ELMO1: variants seen among roughly 807,000 people sequenced by gnomAD.
ELMO1 encodes the protein engulfment and cell motility 1, also known as engulfment and cell motility protein 1.
Under a neutral mutation model 98.9 loss-of-function variants are expected in ELMO1, and 26 were observed. The ratio of observed to expected loss-of-function variants is 0.26; its 90% CI spans 0.19 to 0.36. ELMO1 has a LOEUF of 0.36. ELMO1 is among the 10% of genes least tolerant of loss of function. The pLI is 1.00. For synonymous variants in ELMO1, 346 were observed against 346.0 expected (o/e 1.00, Z 0.00); for missense variants, 627 against 935.2 (o/e 0.67, Z 4.30).
chr7:37,190,499 T>A (rs960079335), intron 13 of ELMO1, among the ~76,000 whole-genome samples: 2 of 152,124 alleles, frequency 1.3e-5, no homozygotes, highest in Non-Finnish European at 2.9e-5. Flanking sequence ...ATGTTATCTT[T>A]TTTATTTATT....
intron 16 of ELMO1, among the ~76,000 whole-genome samples, chr7:37,005,541 A>G (rs1793021120): frequency 6.6e-6 from 1 of 151,906 alleles, no homozygotes; most frequent in African/African-American, 2.4e-5. Flanking sequence ...AAATTACAAA[A>G]ATTAACCAGG....
chr7:37,331,174 T>TG (rs1160483742), intron 2 of ELMO1, among the ~76,000 whole-genome samples: 17 of 107,062 alleles, frequency 1.6e-4, no homozygotes, highest in Non-Finnish European at 3.3e-4. Flanking sequence ...ACTGCATTTT[T>TG]CTTTTTTTTT....
intron 13 of ELMO1, among the ~76,000 whole-genome samples, chr7:37,153,632 T>G (rs1285982886): frequency 1.3e-5 from 2 of 151,426 alleles, no homozygotes; most frequent in Non-Finnish European, 3.0e-5. Flanking sequence ...ATGTTCACAG[T>G]GTAAACAAAG....
chr7:37,069,218 G>A (rs1446780808), intron 15 of ELMO1, among the ~76,000 whole-genome samples: 6 of 152,020 alleles, frequency 3.9e-5, no homozygotes, highest in Admixed American at 2.6e-4. Flanking sequence ...CACTTCCCCA[G>A]TAAGTCTAAC....
intron 16 of ELMO1, among the ~76,000 whole-genome samples, chr7:36,928,899 C>T (rs1318579847): frequency 1.3e-5 from 2 of 152,152 alleles, no homozygotes; most frequent in East Asian, 1.9e-4. Flanking sequence ...GCACGTGCAC[C>T]CACAACAAGG....
chr7:36,894,112 C>T (rs1306613238), intron 17 of ELMO1, among the ~76,000 whole-genome samples: 1 of 152,074 alleles, frequency 6.6e-6, no homozygotes, highest in Non-Finnish European at 1.5e-5. Context: ...ATACGGGTAA[C>T]AAAATTGACC....
At chr7:37,024,996 T>G (rs530605202) in intron 15 of ELMO1, among the ~76,000 whole-genome samples, 1 of 152,320 alleles carries the variant, frequency 6.6e-6, no homozygotes, top group East Asian at 1.9e-4. Context: ...TTCTGGTAAG[T>G]GCATGCTAAG....
At chr7:37,445,526 C>T (rs1805578736) in intron 1 of ELMO1, among the ~76,000 whole-genome samples, 2 of 152,160 alleles carry the variant, frequency 1.3e-5, no homozygotes, top group African/African-American at 2.4e-5. Context: ...TTGCCTCACC[C>T]CCAGCCACAT....
In ELMO1 at chr7:36,857,499, C is replaced by A. The variant is rs76402754; in HGVS notation, c.1984-1748G>T. ...GGGGATTACTGTTCTTTTCACACAG[C>A]CTTCCCAGGCCTGGCTAGCTTCCTA... On this transcript the variant is annotated intron_variant, in intron 21 of 21. Transcript: ENST00000310758. Among the ~76,000 whole-genome samples the A allele has an allele frequency of 7.9e-5, 12 of 152,290 alleles. No homozygotes were observed. The East Asian group carries it at 1.7e-3, about 22-fold the overall frequency.
intron 2 of ELMO1, among the ~76,000 whole-genome samples, chr7:37,325,096 T>C (rs1301157360): frequency 6.6e-6 from 1 of 152,172 alleles, no homozygotes; most frequent in Non-Finnish European, 1.5e-5. Context: ...CCTTGGACAC[T>C]TCACACACTT....
At chr7:37,009,192 G>A (rs563746503) in intron 16 of ELMO1, among the ~76,000 whole-genome samples, 1 of 152,010 alleles carries the variant, frequency 6.6e-6, no homozygotes, top group Non-Finnish European at 1.5e-5. Context: ...ATGATTATGG[G>A]GCTACTTGTG....
At chr7:36,939,609 T>C (rs867860319) in intron 16 of ELMO1, among the ~76,000 whole-genome samples, 12 of 152,362 alleles carry the variant, frequency 7.9e-5, no homozygotes, top group Middle Eastern at 6.8e-3. Flanking sequence ...GTGAACAGAA[T>C]ACATGGGAAG....
chr7:37,143,966 C>A (rs749333075), intron 13 of ELMO1, among the ~76,000 whole-genome samples: 2 of 152,092 alleles, frequency 1.3e-5, no homozygotes, highest in Non-Finnish European at 2.9e-5. Context: ...CCGCCTTGGC[C>A]TCCCAAAGTG....
At chr7:37,116,575 C>G (rs1241098731) in intron 14 of ELMO1, among the ~76,000 whole-genome samples, 1 of 151,676 alleles carries the variant, frequency 6.6e-6, no homozygotes, top group Non-Finnish European at 1.5e-5. Flanking sequence ...CTTGTGTTTA[C>G]AATATGTCAA....
chr7:37,069,183 C>T (rs1797140186), intron 15 of ELMO1, among the ~76,000 whole-genome samples: 1 of 152,112 alleles, frequency 6.6e-6, no homozygotes, highest in African/African-American at 2.4e-5. Flanking sequence ...CATTTACTCC[C>T]AGGGTTGGCC....
chr7:37,375,561 C>A, intron 1 of ELMO1: 1 of 1,086,250 alleles, frequency 9.2e-7, no homozygotes, highest in Non-Finnish European at 1.4e-6. Flanking sequence ...CATTTATAAA[C>A]TCCTTTTTAA....
At chr7:37,140,694 A>G (rs1787579768) in intron 13 of ELMO1, among the ~76,000 whole-genome samples, 2 of 152,210 alleles carry the variant, frequency 1.3e-5, no homozygotes, top group Admixed American at 6.5e-5. Context: ...GTAAGAAAAA[A>G]ACAATCCCAC....
chr7:37,103,166 A>G (rs1246701153), intron 14 of ELMO1, among the ~76,000 whole-genome samples: 1 of 152,214 alleles, frequency 6.6e-6, no homozygotes, highest in Non-Finnish European at 1.5e-5. Flanking sequence ...CACCATAATA[A>G]TTACATAAAC....
Position 37,005,107 on chromosome 7 carries a change from C to CAAA in ELMO1, c.1437+8189_1437+8191dup, listed in dbSNP as rs35665315. 2.0e-3 allele frequency among the ~76,000 whole-genome samples: 75 copies of CAAA among 38,252 alleles called. 1 individual carries two copies. Among genetic ancestry groups the CAAA allele is most frequent in the Non-Finnish European group, 3.0e-3 (48 of 16,210 alleles). The allele number at this position is 38,252 out of a possible 152,430, so 25.1% of individuals were successfully genotyped here. ...CTGGCAACAGAGCAAGGCTCTGTCT[C>CAAA]AAAAAAAAAAAAAAAAAAAAAAAAA... is the stretch of plus-strand genomic sequence containing the variant. On this transcript the variant is annotated intron_variant, in intron 16 of 21. Coordinates refer to ENST00000310758, the MANE Select transcript of ELMO1 (RefSeq NM_014800.11).
Sources: allele counts gnomAD v4.1 joint callset (sites outside exome capture counted in the v4.1 genomes callset), GRCh38; gene constraint gnomAD v4.1.1; transcripts MANE v1.5; gene names NCBI Gene and HGNC (gene_info 2026-07-23, HGNC 2026-07-21).